The following MAGI2 variants were observed in gnomAD, a reference collection of about 807,000 sequenced individuals.
MAGI2 encodes the protein membrane-associated guanylate kinase, WW and PDZ domain-containing protein 2.
MAGI2 carries 35 observed loss-of-function variants against 133.3 expected under a neutral mutation model. That is an observed-to-expected ratio of 0.26 (90% confidence interval 0.20 to 0.35). MAGI2 has a LOEUF of 0.35. Ranked by LOEUF, MAGI2 falls within the 10% of genes least tolerant of loss-of-function variation. The pLI, the probability that MAGI2 is intolerant of heterozygous loss-of-function variation, is 1.00. For missense variants in MAGI2, 1,636 were observed against 1,863.4 expected (o/e 0.88, Z 2.25); for synonymous variants, 729 against 710.6 (o/e 1.03, Z -0.41).
chr7:79,402,661 T>C (rs1358103267), intron 1 of MAGI2, among the ~76,000 whole-genome samples: 1 of 152,144 alleles, frequency 6.6e-6, no homozygotes, highest in East Asian at 1.9e-4. Flanking sequence ...ACTATTTGTT[T>C]CATTTAAAAA....
chr7:78,576,390 C>T (rs1043430822), intron 3 of MAGI2, among the ~76,000 whole-genome samples: 2 of 152,132 alleles, frequency 1.3e-5, no homozygotes, highest in Admixed American at 6.5e-5. Flanking sequence ...ACTGGGAGGG[C>T]CTCAGAAGCA....
chr7:78,457,160 C>T (rs1011225541), intron 6 of MAGI2, among the ~76,000 whole-genome samples: 13 of 152,268 alleles, frequency 8.5e-5, no homozygotes, highest in East Asian at 3.9e-4. Context: ...AGCCCTGCCC[C>T]GCTTTAGGTG....
intron 1 of MAGI2, chr7:79,411,850 A>T (rs2129171834): frequency 6.6e-6 from 1 of 152,142 alleles, no homozygotes; most frequent in South Asian, 2.1e-4. Flanking sequence ...ACCTATTGAC[A>T]TGAAAGGAAA....
At chr7:78,755,115 G>A (rs1018023296) in intron 2 of MAGI2, among the ~76,000 whole-genome samples, 14 of 152,182 alleles carry the variant, frequency 9.2e-5, no homozygotes, top group Admixed American at 2.6e-4. Flanking sequence ...TTAGCAGAGC[G>A]TTTGAAGATG....
At chr7:79,325,029 A>C (rs1046309101) in intron 1 of MAGI2, among the ~76,000 whole-genome samples, 1 of 151,982 alleles carries the variant, frequency 6.6e-6, no homozygotes. Flanking sequence ...GGTCTATAAG[A>C]TGAGAGACAA....
chr7:79,255,295 C>G (rs1585339848), intron 1 of MAGI2, among the ~76,000 whole-genome samples: 1 of 152,186 alleles, frequency 6.6e-6, no homozygotes, highest in African/African-American at 2.4e-5. Context: ...CAAACCGATG[C>G]CCAATTGAAA....
intron 6 of MAGI2, among the ~76,000 whole-genome samples, chr7:78,476,578 G>A (rs1227040156): frequency 6.6e-6 from 1 of 151,944 alleles, no homozygotes; most frequent in Non-Finnish European, 1.5e-5. Flanking sequence ...AGTACCTTGG[G>A]AATTGTGGTT....
At chr7:78,498,679 T>A (rs1794348393) in intron 5 of MAGI2, among the ~76,000 whole-genome samples, 1 of 152,136 alleles carries the variant, frequency 6.6e-6, no homozygotes, top group Non-Finnish European at 1.5e-5. Flanking sequence ...CTGTGATACC[T>A]GCGTTCACCA....
At chr7:78,848,082 T>G (rs1036776878) in intron 2 of MAGI2, among the ~76,000 whole-genome samples, 2 of 151,904 alleles carry the variant, frequency 1.3e-5, no homozygotes, top group Admixed American at 1.3e-4. Flanking sequence ...CCCAGATAAG[T>G]ACCTAGAGTC....
intron 21 of MAGI2, among the ~76,000 whole-genome samples, chr7:78,062,027 A>G (rs770511547): frequency 4.6e-5 from 7 of 152,240 alleles, no homozygotes; most frequent in Non-Finnish European, 1.0e-4. Flanking sequence ...TCAGCCGGGA[A>G]AGGAACCCAA....
chr7:78,829,635 A>T (rs1157783008), intron 2 of MAGI2, among the ~76,000 whole-genome samples: 2 of 152,108 alleles, frequency 1.3e-5, no homozygotes, highest in Non-Finnish European at 2.9e-5. Flanking sequence ...CATACAGTGA[A>T]ATAAAGCCAT....
chr7:79,228,935 G>C (rs1288360377), intron 1 of MAGI2, among the ~76,000 whole-genome samples: 1 of 152,162 alleles, frequency 6.6e-6, no homozygotes, highest in Non-Finnish European at 1.5e-5. Flanking sequence ...CCCAACACCA[G>C]TAAATTTGTC....
At chr7:78,232,895 C>T (rs1474031896) in intron 10 of MAGI2, among the ~76,000 whole-genome samples, 2 of 152,102 alleles carry the variant, frequency 1.3e-5, no homozygotes, top group Non-Finnish European at 2.9e-5. Flanking sequence ...AATATGAATG[C>T]CATGAAGGCA....
chr7:78,681,890 C>T (rs912186851), intron 2 of MAGI2, among the ~76,000 whole-genome samples: 3 of 152,074 alleles, frequency 2.0e-5, no homozygotes, highest in African/African-American at 4.8e-5. Context: ...GAATCACAAC[C>T]TTTATATGAC....
intron 11 of MAGI2, among the ~76,000 whole-genome samples, chr7:78,196,033 G>A (rs895801295): frequency 6.6e-6 from 1 of 152,184 alleles, no homozygotes; most frequent in Admixed American, 6.5e-5. Context: ...GTCATGGCGG[G>A]CTCCTTTTGA....
At chr7:78,797,739 T>C (rs762204338) in intron 2 of MAGI2, among the ~76,000 whole-genome samples, 7 of 152,152 alleles carry the variant, frequency 4.6e-5, no homozygotes, top group Non-Finnish European at 8.8e-5. Context: ...AATTTCAAAG[T>C]TCTAAGGAGA....
intron 1 of MAGI2, among the ~76,000 whole-genome samples, chr7:79,089,504 C>A (rs763493398): frequency 6.6e-6 from 1 of 151,952 alleles, no homozygotes; most frequent in Admixed American, 6.6e-5. Flanking sequence ...CACATGCACA[C>A]GTATCTTTAT....
At chr7:78,361,341 C>T (rs1416173686) in intron 7 of MAGI2, among the ~76,000 whole-genome samples, 1 of 145,384 alleles carries the variant, frequency 6.9e-6, no homozygotes. Context: ...TGCAGTGAGC[C>T]AAGATCGTGC....
At chr7:78,173,432 T>G (rs1826295264) in intron 14 of MAGI2, among the ~76,000 whole-genome samples, 1 of 152,166 alleles carries the variant, frequency 6.6e-6, no homozygotes, top group African/African-American at 2.4e-5. Flanking sequence ...GGGGAGCGGT[T>G]GAAGATAATA....
Sources: allele counts gnomAD v4.1 joint callset (sites outside exome capture counted in the v4.1 genomes callset), GRCh38; gene constraint gnomAD v4.1.1; transcripts MANE v1.5; gene names NCBI Gene and HGNC (gene_info 2026-07-23, HGNC 2026-07-21).